The following TTLL5 variants were observed in gnomAD, a reference collection of about 807,000 sequenced individuals.
TTLL5 encodes tubulin polyglutamylase TTLL5.
TTLL5 carries 132 observed loss-of-function variants against 168.4 expected under a neutral mutation model. The observed-to-expected ratio is 0.78, with a 90% confidence interval of 0.68 to 0.91. The LOEUF is 0.91. TTLL5 is among the 40% of genes least tolerant of loss of function. TTLL5 has a pLI of 0.00. For missense variants in TTLL5, 1,545 were observed against 1,581.5 expected, an observed-to-expected ratio of 0.98 and a Z score of 0.39; for synonymous variants, 546 against 558.6, an observed-to-expected ratio of 0.98 and a Z score of 0.32.
chr14:75,791,172 G>T (rs1291146290), intron 26 of TTLL5, among the ~76,000 whole-genome samples: 1 of 150,348 alleles, frequency 6.7e-6, no homozygotes, highest in African/African-American at 2.5e-5. Context: ...CATACTTTGT[G>T]ACCCAACAAT....
chr14:75,951,134 AG>A (rs1389138521), intron 31 of TTLL5, among the ~76,000 whole-genome samples: 1 of 152,166 alleles, frequency 6.6e-6, no homozygotes, highest in African/African-American at 2.4e-5. Context: ...ACTTGAGCCC[AG>A]GAGTTTTAGA....
chr14:75,836,216 G>A (rs193061903), intron 28 of TTLL5, among the ~76,000 whole-genome samples: 2 of 152,236 alleles, frequency 1.3e-5, no homozygotes, highest in African/African-American at 2.4e-5. Flanking sequence ...AGTCACAAAA[G>A]GAATGAGATC....
chr14:75,949,742 C>T (rs1312904835), intron 31 of TTLL5, among the ~76,000 whole-genome samples: 4 of 151,388 alleles, frequency 2.6e-5, no homozygotes, highest in African/African-American at 7.3e-5. Context: ...CCAGCTTAGT[C>T]GGGAGACTGA....
intron 20 of TTLL5, among the ~76,000 whole-genome samples, chr14:75,769,149 T>C (rs759278194): frequency 6.6e-6 from 1 of 152,228 alleles, no homozygotes; most frequent in Non-Finnish European, 1.5e-5. Context: ...TATTTCTTCA[T>C]GAATCTTGTG....
intron 31 of TTLL5, among the ~76,000 whole-genome samples, chr14:75,930,191 A>C (rs61979177): frequency 6.6e-6 from 1 of 152,224 alleles, no homozygotes; most frequent in Admixed American, 6.5e-5. Flanking sequence ...TACTAGGTGC[A>C]TGTAAAGAAT....
At chr14:75,668,403 G>A (rs896184745) in intron 2 of TTLL5, among the ~76,000 whole-genome samples, 3 of 152,138 alleles carry the variant, frequency 2.0e-5, no homozygotes, top group Admixed American at 1.3e-4. Context: ...TCATAGTATG[G>A]GCAGGGGGAT....
At chr14:75,938,599 C>G (rs2034501534) in intron 31 of TTLL5, among the ~76,000 whole-genome samples, 2 of 152,024 alleles carry the variant, frequency 1.3e-5, no homozygotes. Flanking sequence ...CTTATTTGGC[C>G]CTTGTAGCAA....
chr14:75,829,668 T>C (rs575161672), intron 28 of TTLL5, among the ~76,000 whole-genome samples: 4 of 151,826 alleles, frequency 2.6e-5, no homozygotes, highest in Admixed American at 2.6e-4. Flanking sequence ...GGTGAAAATA[T>C]AAGGTTCTGC....
intron 27 of TTLL5, among the ~76,000 whole-genome samples, chr14:75,806,928 A>G (rs915230764): frequency 6.6e-6 from 1 of 152,188 alleles, no homozygotes; most frequent in Non-Finnish European, 1.5e-5. Context: ...CTTAGCCAGA[A>G]GTCATCTTTC....
At chr14:75,817,046 C>G (rs1459269054) in intron 27 of TTLL5, among the ~76,000 whole-genome samples, 1 of 128,200 alleles carries the variant, frequency 7.8e-6, no homozygotes, top group Admixed American at 1.0e-4. Context: ...AGTGCGCTAT[C>G]TGAGCTCACT....
rs528613721 is a variant in TTLL5, at chr14:75,939,107, C to T, written c.3824-15317C>T. ...GCCAACAACACAAAGTTGGGGCTTTCATTTGTTTTACCGTAGAGAGCCTGT... is the reference window on the plus strand; with the variant it reads ...GCCAACAACACAAAGTTGGGGCTTTTATTTGTTTTACCGTAGAGAGCCTGT... On this transcript the variant is annotated intron_variant, in intron 31 of 31. Coordinates refer to ENST00000298832, the MANE Select transcript of TTLL5 (RefSeq NM_015072.5). Among the ~76,000 whole-genome samples the T allele has an allele frequency of 2.0e-5, 3 of 152,284 alleles. No homozygotes were observed. In the South Asian group the frequency reaches 6.2e-4, roughly 32 times the overall value.
chr14:75,735,574 T>C (rs757695559), intron 15 of TTLL5, among the ~76,000 whole-genome samples: 3 of 152,228 alleles, frequency 2.0e-5, no homozygotes, highest in Non-Finnish European at 4.4e-5. Flanking sequence ...CCGCCTCAGA[T>C]TGATATGCTC....
intron 18 of TTLL5, among the ~76,000 whole-genome samples, chr14:75,760,051 G>A (rs1034487785): frequency 6.6e-6 from 1 of 152,034 alleles, no homozygotes; most frequent in African/African-American, 2.4e-5. Context: ...TGGAAAGGAG[G>A]AAGTAAAATG....
At chr14:75,811,156 AGTGTGTGTGTGTGT>A (rs148883248) in intron 27 of TTLL5, among the ~76,000 whole-genome samples, 2 of 116,532 alleles carry the variant, frequency 1.7e-5, no homozygotes, top group Non-Finnish European at 1.7e-5. Flanking sequence ...TGAAAGAAAG[AGTGTGTGTGTGTGT>A]GTGTGTGTGT....
rs1331912192 is a variant in TTLL5, at chr14:75,719,887, C to T, written c.934+61C>T. On this transcript the variant is annotated intron_variant, in intron 11 of 31. Coordinates refer to ENST00000298832, the MANE Select transcript of TTLL5 (RefSeq NM_015072.5). Reference sequence around the variant, plus strand: ...TCTTTGGATAACTTTATCATTGTCTCTTGCCAGGAATCATTCTCTGTTGCT... The same window carrying T: ...TCTTTGGATAACTTTATCATTGTCTTTTGCCAGGAATCATTCTCTGTTGCT... 2.0e-6 allele frequency: 3 copies of T among 1,516,022 alleles called. No homozygotes were observed. The Admixed American group carries it at 5.0e-5, about 25-fold the overall frequency. The allele number at this position is 1,516,022 out of a possible 1,614,324, so 93.9% of individuals were successfully genotyped here.
Position 75,707,855 on chromosome 14 carries a change from G to A in TTLL5, c.740+148G>A, listed in dbSNP as rs1886770640. The stretch of plus-strand genomic sequence containing the variant: ...ACAGATGCAATCCACCTCCTCAACT[G>A]CTGTGCTCTATAACATCAAAGCCAG... On this transcript the variant is annotated intron_variant, in intron 9 of 31. Coordinates refer to ENST00000298832, the MANE Select transcript of TTLL5 (RefSeq NM_015072.5). 1.0e-5 allele frequency: 7 copies of A among 690,984 alleles called. No individual in the cohort carries two copies. In the South Asian group the frequency reaches 1.2e-4, roughly 11 times the overall value. The allele number at this position is 690,984 out of a possible 1,614,324, so 42.8% of individuals were successfully genotyped here. A position where few individuals can be genotyped will look rare whatever the true frequency, so the allele number is the denominator to read the frequency against.
intron 24 of TTLL5, among the ~76,000 whole-genome samples, chr14:75,781,957 CAAAAAAA>C (rs11350842): frequency 7.2e-5 from 5 of 69,452 alleles, no homozygotes; most frequent in Admixed American, 1.7e-4. Flanking sequence ...AAACTTTGTT[CAAAAAAA>C]AAAAAAAAAA....
intron 5 of TTLL5, chr14:75,683,896 A>G: frequency 2.8e-6 from 1 of 355,500 alleles, no homozygotes; most frequent in Non-Finnish European, 5.4e-6. Flanking sequence ...GCCTCAGCCT[A>G]CCCAGTAGCT....
At chr14:75,846,567 G>A (rs1184237307) in intron 28 of TTLL5, among the ~76,000 whole-genome samples, 1 of 152,088 alleles carries the variant, frequency 6.6e-6, no homozygotes. Context: ...GAGGCGGGCG[G>A]ATCACCTGAG....
Sources: allele counts gnomAD v4.1 joint callset (sites outside exome capture counted in the v4.1 genomes callset), GRCh38; gene constraint gnomAD v4.1.1; transcripts MANE v1.5; gene names NCBI Gene and HGNC (gene_info 2026-07-23, HGNC 2026-07-21).